KDM4B: variants seen among roughly 807,000 people sequenced by gnomAD.
KDM4B encodes the protein lysine-specific demethylase 4B.
KDM4B carries 32 observed loss-of-function variants against 125.2 expected under a neutral mutation model. That is an observed-to-expected ratio of 0.26 (90% CI 0.19 to 0.34). The LOEUF is 0.34. KDM4B is among the 10% of genes least tolerant of loss of function. KDM4B has a pLI of 1.00. For synonymous variants in KDM4B, 721 were observed against 677.9 expected (o/e 1.06, Z -0.99); for missense variants, 1,190 against 1,577.7 (o/e 0.75, Z 4.16).
chr19:5,119,620 C>T (rs754683022), intron 10 of KDM4B, 33 bp from the exon 11 acceptor site: 32 of 1,542,000 alleles, frequency 2.1e-5, no homozygotes, highest in Non-Finnish European at 2.4e-5. Context: ...CCTCCCTGGT[C>T]TCCCCTCCTG....
chr19:4,983,740 C>T (rs1249837370), intron 1 of KDM4B, among the ~76,000 whole-genome samples: 2 of 152,164 alleles, frequency 1.3e-5, no homozygotes, highest in Non-Finnish European at 2.9e-5. Flanking sequence ...TGGATCAGCA[C>T]CGCCCAGGAA....
intron 1 of KDM4B, among the ~76,000 whole-genome samples, chr19:4,994,020 GTTTTT>G (rs55641886): frequency 1.2e-4 from 8 of 66,678 alleles, no homozygotes; most frequent in Non-Finnish European, 2.2e-4. Flanking sequence ...TTTTCAGCCT[GTTTTT>G]TTTTTTTTTT....
intron 9 of KDM4B, among the ~76,000 whole-genome samples, chr19:5,105,145 C>A (rs2039010254): frequency 6.6e-6 from 1 of 152,204 alleles, no homozygotes; most frequent in Admixed American, 6.5e-5. Flanking sequence ...GCTGATGGTG[C>A]AGAGGGCACA....
intron 8 of KDM4B, among the ~76,000 whole-genome samples, chr19:5,079,476 A>T (rs2038221495): frequency 6.6e-6 from 1 of 152,052 alleles, no homozygotes; most frequent in South Asian, 2.1e-4. Context: ...GGGCTGGGGG[A>T]GTGAGGTCCT....
intron 11 of KDM4B, among the ~76,000 whole-genome samples, chr19:5,126,534 C>A (rs1473969000): frequency 6.6e-6 from 1 of 152,208 alleles, no homozygotes; most frequent in African/African-American, 2.4e-5. Context: ...GGAAAGGCTG[C>A]GGTGAGTGGG....
At position 5,131,092 on chromosome 19, in the gene KDM4B, G is replaced by T; in HGVS notation, c.1332G>T (p.Lys444Asn). 6.6e-7 allele frequency: 1 copy of T among 1,512,788 alleles called. No homozygotes were observed. The highest frequency in any genetic ancestry group is 1.3e-5 in the South Asian group (1 of 75,150). The allele number at this position is 1,512,788 out of a possible 1,614,324, so 93.7% of individuals were successfully genotyped here. A position where few individuals can be genotyped will look rare whatever the true frequency, so the allele number is the denominator to read the frequency against. The change falls in exon 12 of 23, where the codon AAG becomes AAT. Residue 444 changes from lysine (K) to asparagine (N), a missense_variant. Lys to Asn is a moderately conservative substitution (Grantham distance 94). Coordinates refer to ENST00000159111, the MANE Select transcript of KDM4B (RefSeq NM_015015.3). ...TTCCCACAGAGGACGGGAGGGGCAAGCTGCGGCCAACCAAGGCCAAGAGCG... is the reference window on the plus strand; with the variant it reads ...TTCCCACAGAGGACGGGAGGGGCAATCTGCGGCCAACCAAGGCCAAGAGCG... ...AEGAEEDGRG[K>N]LRPTKAKSER...
intron 2 of KDM4B, among the ~76,000 whole-genome samples, chr19:5,023,661 G>A (rs916639290): frequency 1.3e-5 from 2 of 152,216 alleles, no homozygotes; most frequent in Non-Finnish European, 2.9e-5. Flanking sequence ...GGGAGCAGGA[G>A]GTGGGACAAG....
chr19:5,037,726 T>TC (rs1291342219), intron 3 of KDM4B, among the ~76,000 whole-genome samples: 1 of 152,204 alleles, frequency 6.6e-6, no homozygotes, highest in African/African-American at 2.4e-5. Flanking sequence ...TTCCCTGGCC[T>TC]CCATCTACCT....
chr19:5,015,538 C>G (rs1429356265), intron 1 of KDM4B, among the ~76,000 whole-genome samples: 1 of 151,986 alleles, frequency 6.6e-6, no homozygotes, highest in Non-Finnish European at 1.5e-5. Flanking sequence ...AGATGTCAGC[C>G]ACCTCGCCCC....
chr19:5,013,480 A>G (rs1176710347), intron 1 of KDM4B, among the ~76,000 whole-genome samples: 3 of 152,146 alleles, frequency 2.0e-5, no homozygotes, highest in African/African-American at 7.2e-5. Context: ...TGGAGGAGAG[A>G]AGTCTGACAT....
intron 6 of KDM4B, among the ~76,000 whole-genome samples, chr19:5,062,336 G>A (rs988860907): frequency 8.5e-5 from 13 of 152,344 alleles, no homozygotes; most frequent in African/African-American, 2.9e-4. Flanking sequence ...TGTCCTGGGC[G>A]ACCCATCCTC....
intron 9 of KDM4B, among the ~76,000 whole-genome samples, chr19:5,087,175 C>G (rs1331963139): frequency 6.6e-6 from 1 of 152,278 alleles, no homozygotes; most frequent in African/African-American, 2.4e-5. Flanking sequence ...ATGCCGTGGG[C>G]ACACGGAGGC....
chr19:5,150,091 C>T (rs2039919365), intron 21 of KDM4B, among the ~76,000 whole-genome samples: 1 of 152,234 alleles, frequency 6.6e-6, no homozygotes, highest in African/African-American at 2.4e-5. Flanking sequence ...TGTTCTGTCT[C>T]CATGTGGAAG....
At chr19:5,111,318 G>A in intron 10 of KDM4B, 1 of 734,104 alleles carries the variant, frequency 1.4e-6, no homozygotes, top group Non-Finnish European at 2.5e-6. Context: ...AGATCGTGGA[G>A]AGGATTTCAG....
At chr19:4,983,408 C>T (rs921756647) in intron 1 of KDM4B, among the ~76,000 whole-genome samples, 7 of 152,210 alleles carry the variant, frequency 4.6e-5, no homozygotes, top group African/African-American at 1.7e-4. Flanking sequence ...TGACATTCAC[C>T]AGCAATGGCA....
At chr19:5,090,555 T>C (rs1415888296) in intron 9 of KDM4B, among the ~76,000 whole-genome samples, 1 of 31,596 alleles carries the variant, frequency 3.2e-5, no homozygotes, top group African/African-American at 1.3e-4. Context: ...CTCTCTCCCC[T>C]TCTCTTTCCC....
At chr19:5,052,272 A>G (rs1691530725) in intron 6 of KDM4B, among the ~76,000 whole-genome samples, 1 of 150,654 alleles carries the variant, frequency 6.6e-6, no homozygotes, top group Non-Finnish European at 1.5e-5. Context: ...CTTTTGCTTC[A>G]TGGGTGTCCC....
chr19:5,128,190 T>C (rs527356321), intron 11 of KDM4B, among the ~76,000 whole-genome samples: 15 of 152,214 alleles, frequency 9.9e-5, no homozygotes, highest in Admixed American at 4.6e-4. Flanking sequence ...CTGCCTGTTG[T>C]GTGTGAGGGG....
Position 5,039,829 on chromosome 19 carries a change from C to G in KDM4B, c.142-7C>G, listed in dbSNP as rs776360072. 1 of 1,611,350 alleles carries G rather than the reference C, an allele frequency of 6.2e-7. No individual in the cohort carries two copies. Among genetic ancestry groups the G allele is most frequent in the Non-Finnish European group, 8.5e-7 (1 of 1,178,880 alleles). On this transcript the variant is annotated splice_region_variant and splice_polypyrimidine_tract_variant and intron_variant, in intron 3 of 22. Transcript: ENST00000159111. ...GGGTGCCACTGACTCCCATCTTGGT[C>G]TTGCAGATCATCCCCCCGAAGGAGT... is the stretch of plus-strand genomic sequence containing the variant.
Sources: gnomAD v4.1 joint callset for allele counts (sites outside exome capture counted in the v4.1 genomes callset) on GRCh38, gnomAD v4.1.1 for gene constraint, MANE v1.5 for transcripts, NCBI Gene and HGNC (gene_info 2026-07-23, HGNC 2026-07-21) for gene names.